Variants in RALYL observed in about 807,000 individuals in gnomAD.
RALYL encodes the protein RNA-binding Raly-like protein.
In RALYL, 29 loss-of-function variants were observed where a neutral mutation model predicts 35.1. The ratio of observed to expected loss-of-function variants is 0.83; its 90% CI spans 0.61 to 1.13. RALYL has a LOEUF of 1.13. Ranked by LOEUF, RALYL falls within the 50% of genes most tolerant of loss-of-function variation. The pLI is 0.00. For synonymous variants in RALYL, 120 were observed against 127.6 expected, an observed-to-expected ratio of 0.94 and a Z score of 0.40; for missense variants, 359 against 360.4, an observed-to-expected ratio of 1.00 and a Z score of 0.03.
rs538495101 is a variant in RALYL, at chr8:84,544,050, T to A, written c.256+14473T>A. Among the ~76,000 whole-genome samples the A allele has an allele frequency of 5.3e-5, 8 of 152,130 alleles. No homozygotes were observed. The South Asian group carries it at 1.7e-3, about 32-fold the overall frequency. On this transcript the variant is annotated intron_variant, in intron 2 of 8. Coordinates refer to ENST00000521268, the MANE Select transcript of RALYL (RefSeq NM_173848.7). Reference sequence around the variant, plus strand: ...TGATATCTGAAAAGAGTTTAATAATTTTTTATTTGAGGGCTGCAGAATATT... The same window carrying A: ...TGATATCTGAAAAGAGTTTAATAATATTTTATTTGAGGGCTGCAGAATATT...
intron 2 of RALYL, among the ~76,000 whole-genome samples, chr8:84,725,808 A>G (rs913455080): frequency 2.6e-5 from 4 of 151,736 alleles, no homozygotes; most frequent in Non-Finnish European, 5.9e-5. Context: ...TGAAAAGCTT[A>G]ATTTAGTTGA....
At chr8:84,488,963 A>T (rs1554690145) in intron 1 of RALYL, among the ~76,000 whole-genome samples, 1 of 152,094 alleles carries the variant, frequency 6.6e-6, no homozygotes, top group Non-Finnish European at 1.5e-5. Flanking sequence ...TGAAATTAAG[A>T]CAAATTATAA....
chr8:84,216,868 T>A (rs7818732), intron 1 of RALYL, among the ~76,000 whole-genome samples: 45,060 of 152,062 alleles, frequency 0.3, 7,361 homozygotes, highest in African/African-American at 0.43. Context: ...TGATTTCCAC[T>A]TTGTGCTGAC....
chr8:84,504,783 T>C (rs562849020), intron 1 of RALYL, among the ~76,000 whole-genome samples: 75 of 152,198 alleles, frequency 4.9e-4, no homozygotes, highest in African/African-American at 1.7e-3. Flanking sequence ...GATGGACACA[T>C]ACCAAGTAAA....
chr8:84,475,848 T>A (rs1452451774), intron 1 of RALYL, among the ~76,000 whole-genome samples: 1 of 152,182 alleles, frequency 6.6e-6, no homozygotes, highest in Non-Finnish European at 1.5e-5. Context: ...TGGCATAGTC[T>A]AGGTTGAATA....
chr8:84,343,609 G>A (rs1849269073), intron 1 of RALYL, among the ~76,000 whole-genome samples: 2 of 151,616 alleles, frequency 1.3e-5, no homozygotes, highest in African/African-American at 4.8e-5. Flanking sequence ...AACACAATAT[G>A]ATTTATTTAT....
At chr8:84,235,523 A>G (rs545519341) in intron 1 of RALYL, among the ~76,000 whole-genome samples, 1 of 152,242 alleles carries the variant, frequency 6.6e-6, no homozygotes, top group Non-Finnish European at 1.5e-5. Flanking sequence ...TGGCCAGAAG[A>G]TAACCTCAGA....
chr8:84,533,777 T>C (rs1049870574), intron 2 of RALYL, among the ~76,000 whole-genome samples: 1 of 152,178 alleles, frequency 6.6e-6, no homozygotes, highest in Non-Finnish European at 1.5e-5. Context: ...ATAGGGATGG[T>C]AAATTTTAAA....
intron 2 of RALYL, chr8:84,679,562 C>G: frequency 2.4e-6 from 1 of 416,926 alleles, no homozygotes; most frequent in Non-Finnish European, 4.8e-6. Flanking sequence ...TGAGCTCTTC[C>G]CAATGGCCAG....
Position 84,196,678 on chromosome 8 carries a change from G to C in RALYL, c.-24+12254G>C, listed in dbSNP as rs535424720. ...ATAGAGTGTTCATAGAGGCTTCAGG[G>C]CTATGTCATGTTTTCAAACTCCTTT... is the stretch of plus-strand genomic sequence containing the variant. On this transcript the variant is annotated intron_variant, in intron 1 of 8. Coordinates refer to ENST00000521268, the MANE Select transcript of RALYL (RefSeq NM_173848.7). 2.0e-5 allele frequency among the ~76,000 whole-genome samples: 3 copies of C among 152,234 alleles called. No homozygotes were observed. In the South Asian group the frequency reaches 6.2e-4, roughly 32 times the overall value.
chr8:84,479,952 T>C (rs1456726279), intron 1 of RALYL, among the ~76,000 whole-genome samples: 2 of 152,126 alleles, frequency 1.3e-5, no homozygotes, highest in Non-Finnish European at 2.9e-5. Context: ...AAAAATTGCT[T>C]CCTGAGATTT....
intron 2 of RALYL, among the ~76,000 whole-genome samples, chr8:84,752,535 C>A (rs1204210748): frequency 6.6e-6 from 1 of 152,098 alleles, no homozygotes; most frequent in Non-Finnish European, 1.5e-5. Context: ...GGGAAAAAGG[C>A]CTCAAAGCCA....
At chr8:84,898,482 C>T (rs1845133712) in intron 8 of RALYL, among the ~76,000 whole-genome samples, 1 of 152,150 alleles carries the variant, frequency 6.6e-6, no homozygotes, top group African/African-American at 2.4e-5. Context: ...GGCTGAGAAC[C>T]ACTGGGATAG....
chr8:84,248,170 A>T (rs1829489671), intron 1 of RALYL, among the ~76,000 whole-genome samples: 1 of 152,116 alleles, frequency 6.6e-6, no homozygotes, highest in Admixed American at 6.6e-5. Context: ...GCTTGGTACC[A>T]AAATATGTGA....
chr8:84,260,381 C>T (rs1442922366), intron 1 of RALYL, among the ~76,000 whole-genome samples: 1 of 152,136 alleles, frequency 6.6e-6, no homozygotes, highest in Non-Finnish European at 1.5e-5. Flanking sequence ...TGTGATCGCT[C>T]ATGCAGCTAC....
intron 1 of RALYL, among the ~76,000 whole-genome samples, chr8:84,452,973 T>C (rs546889855): frequency 3.3e-5 from 5 of 151,980 alleles, no homozygotes; most frequent in Non-Finnish European, 7.4e-5. Context: ...TTGAATACAC[T>C]GCTTAAAATA....
At chr8:84,788,474 A>G (rs1348704927) in intron 3 of RALYL, among the ~76,000 whole-genome samples, 1 of 152,238 alleles carries the variant, frequency 6.6e-6, no homozygotes, top group African/African-American at 2.4e-5. Flanking sequence ...AGACATTTTC[A>G]GTGAAAAATG....
At chr8:84,498,192 A>G (rs2134166884) in intron 1 of RALYL, among the ~76,000 whole-genome samples, 1 of 152,158 alleles carries the variant, frequency 6.6e-6, no homozygotes. Context: ...AGTAGCTACA[A>G]TAATACACAG....
chr8:84,265,907 C>G (rs185779127), intron 1 of RALYL, among the ~76,000 whole-genome samples: 2 of 152,284 alleles, frequency 1.3e-5, no homozygotes, highest in Admixed American at 1.3e-4. Context: ...CCCTTTCTTT[C>G]CTTTCCTGTA....
Sources: allele counts gnomAD v4.1 joint callset (sites outside exome capture counted in the v4.1 genomes callset), GRCh38; gene constraint gnomAD v4.1.1; transcripts MANE v1.5; gene names NCBI Gene and HGNC (gene_info 2026-07-23, HGNC 2026-07-21).